The following CADPS variants were observed in gnomAD, a reference collection of about 807,000 sequenced individuals.
CADPS encodes calcium-dependent secretion activator 1.
A neutral mutation model predicts 167.3 loss-of-function variants in CADPS; 57 were observed. That is an observed-to-expected ratio of 0.34 (90% CI 0.28 to 0.42). CADPS has a LOEUF of 0.42. CADPS is among the 20% of genes least tolerant of loss of function. The pLI, the probability that CADPS is intolerant of heterozygous loss-of-function variation, is 1.00. For missense variants in CADPS, 1,414 were observed against 1,738.1 expected, an observed-to-expected ratio of 0.81 and a Z score of 3.32; for synonymous variants, 676 against 635.3, an observed-to-expected ratio of 1.06 and a Z score of -0.96.
At chr3:62,781,364 C>A (rs1462405916) in intron 1 of CADPS, among the ~76,000 whole-genome samples, 1 of 152,166 alleles carries the variant, frequency 6.6e-6, no homozygotes, top group African/African-American at 2.4e-5. Context: ...TGGATACACT[C>A]CCATTTAGAA....
chr3:62,555,725 T>A (rs1430604203), intron 10 of CADPS, among the ~76,000 whole-genome samples: 1 of 152,202 alleles, frequency 6.6e-6, no homozygotes, highest in Non-Finnish European at 1.5e-5. Flanking sequence ...ATTTTATGTT[T>A]AAAAATTTAT....
chr3:62,778,871 G>A (rs906809638), intron 1 of CADPS, among the ~76,000 whole-genome samples: 1 of 151,480 alleles, frequency 6.6e-6, no homozygotes, highest in Admixed American at 6.6e-5. Context: ...CATGTGAAAT[G>A]GAAACTAGAT....
intron 28 of CADPS, among the ~76,000 whole-genome samples, chr3:62,413,349 A>G (rs1191173931): frequency 6.6e-6 from 1 of 152,160 alleles, no homozygotes. Flanking sequence ...TTTATTCACA[A>G]TAGCTGGAAG....
intron 5 of CADPS, 132 bp from the exon 6 acceptor site, chr3:62,645,975 A>G (rs1244125184): frequency 1.0e-6 from 1 of 969,286 alleles, no homozygotes; most frequent in Non-Finnish European, 1.5e-6. Context: ...GGTTTGTACC[A>G]GTCATGCTGG....
intron 3 of CADPS, among the ~76,000 whole-genome samples, chr3:62,737,878 T>A (rs1266431331): frequency 6.6e-6 from 1 of 152,154 alleles, no homozygotes. Context: ...TAATCTCAAA[T>A]ACCACCATTA....
At chr3:62,631,093 A>G (rs1266033284) in intron 6 of CADPS, among the ~76,000 whole-genome samples, 1 of 150,886 alleles carries the variant, frequency 6.6e-6, no homozygotes, top group East Asian at 1.9e-4. Flanking sequence ...ATACTTTAAA[A>G]ACTTTATCTG....
intron 3 of CADPS, among the ~76,000 whole-genome samples, chr3:62,738,799 T>G (rs1199293734): frequency 6.6e-6 from 1 of 152,216 alleles, no homozygotes. Context: ...CCTTCAGGTC[T>G]TAATTCCATG....
At chr3:62,739,428 T>C (rs193111065) in intron 3 of CADPS, among the ~76,000 whole-genome samples, 7 of 152,330 alleles carry the variant, frequency 4.6e-5, no homozygotes, top group East Asian at 1.9e-4. Flanking sequence ...TTTTAAGCAA[T>C]TGAGTTTAAG....
chr3:62,706,698 A>T (rs954724767), intron 3 of CADPS, among the ~76,000 whole-genome samples: 1 of 152,034 alleles, frequency 6.6e-6, no homozygotes, highest in African/African-American at 2.4e-5. Flanking sequence ...CTGTCTTCAT[A>T]TGGTGATTTC....
chr3:62,748,371 A>AAAAAAAAAAAAAAAG, intron 3 of CADPS, among the ~76,000 whole-genome samples: 1 of 144,532 alleles, frequency 6.9e-6, no homozygotes, highest in Non-Finnish European at 1.5e-5. Flanking sequence ...AAAAAAAAAA[A>AAAAAAAAAAAAAAAG]AATTAAGATG....
chr3:62,824,174 A>T (rs1244263246), intron 1 of CADPS, among the ~76,000 whole-genome samples: 7 of 151,884 alleles, frequency 4.6e-5, no homozygotes, highest in Non-Finnish European at 1.0e-4. Flanking sequence ...TTCAAAAAAA[A>T]AAAAAAAAGA....
At chr3:62,729,197 A>G (rs1489685897) in intron 3 of CADPS, among the ~76,000 whole-genome samples, 2 of 151,804 alleles carry the variant, frequency 1.3e-5, no homozygotes, top group African/African-American at 2.4e-5. Flanking sequence ...ACCCAAATTG[A>G]TGCGGAGCCA....
At chr3:62,638,809 G>C (rs1178192431) in intron 6 of CADPS, among the ~76,000 whole-genome samples, 1 of 152,162 alleles carries the variant, frequency 6.6e-6, no homozygotes, top group Non-Finnish European at 1.5e-5. Flanking sequence ...CTCTGGACCA[G>C]TTAGTTGGAT....
chr3:62,757,536 CTGGAT>C (rs2084273070), intron 2 of CADPS, among the ~76,000 whole-genome samples: 1 of 152,104 alleles, frequency 6.6e-6, no homozygotes, highest in East Asian at 1.9e-4. Context: ...GAGACTATGT[CTGGAT>C]TGGGGCGAGA....
intron 4 of CADPS, among the ~76,000 whole-genome samples, chr3:62,658,292 C>A (rs1279954168): frequency 6.6e-6 from 1 of 152,094 alleles, no homozygotes; most frequent in Non-Finnish European, 1.5e-5. Flanking sequence ...AATTGCACAG[C>A]CAGTGTCTGA....
intron 24 of CADPS, among the ~76,000 whole-genome samples, chr3:62,470,255 G>A (rs2060429365): frequency 6.6e-6 from 1 of 152,148 alleles, no homozygotes; most frequent in Non-Finnish European, 1.5e-5. Flanking sequence ...TTCATCACCT[G>A]GCCAGTATCT....
intron 1 of CADPS, among the ~76,000 whole-genome samples, chr3:62,789,433 A>G (rs1179152085): frequency 6.6e-6 from 1 of 152,216 alleles, no homozygotes; most frequent in African/African-American, 2.4e-5. Context: ...TAATCAGCAC[A>G]CTTAAAGCAT....
Position 62,525,871 on chromosome 3 carries a change from T to C in CADPS, c.2291+7000A>G, listed in dbSNP as rs536349960. 7.9e-5 allele frequency among the ~76,000 whole-genome samples: 12 copies of C among 152,080 alleles called. No homozygotes were observed. In the South Asian group the frequency reaches 2.5e-3, roughly 32 times the overall value. On this transcript the variant is annotated intron_variant, in intron 13 of 29. Coordinates refer to ENST00000383710, the MANE Select transcript of CADPS (RefSeq NM_003716.4). ...CATGGATTGAAACGGCCACCCAACA[T>C]TGGAGGCAAGGGCACAGTCAATAGG...
chr3:62,743,342 C>T (rs2080721557), intron 3 of CADPS, among the ~76,000 whole-genome samples: 1 of 152,128 alleles, frequency 6.6e-6, no homozygotes, highest in Admixed American at 6.5e-5. Flanking sequence ...TGCCCATATA[C>T]CTTATGTATT....
Sources: allele counts gnomAD v4.1 joint callset (sites outside exome capture counted in the v4.1 genomes callset), GRCh38; gene constraint gnomAD v4.1.1; transcripts MANE v1.5; gene names NCBI Gene and HGNC (gene_info 2026-07-23, HGNC 2026-07-21).